L3MBTL4: variants seen among roughly 807,000 people sequenced by gnomAD.
L3MBTL4 encodes the protein L3MBTL histone methyl-lysine binding protein 4, also known as lethal(3)malignant brain tumor-like protein 4.
Under a neutral mutation model 84.5 loss-of-function variants are expected in L3MBTL4, and 70 were observed. The ratio of observed to expected loss-of-function variants is 0.83; its 90% CI spans 0.68 to 1.01. The LOEUF (loss-of-function observed/expected upper bound fraction) is 1.01. Ranked by LOEUF, L3MBTL4 falls within the 50% of genes least tolerant of loss-of-function variation. The probability of loss-of-function intolerance (pLI) is 0.00; values close to 1 mark genes in which losing one functional copy is unlikely to be tolerated. For missense variants in L3MBTL4, 715 were observed against 754.8 expected (o/e 0.95, Z 0.62); for synonymous variants, 274 against 259.8 (o/e 1.05, Z -0.52).
At chr18:6,050,482 C>G (rs529558415) in intron 16 of L3MBTL4, among the ~76,000 whole-genome samples, 8 of 152,222 alleles carry the variant, frequency 5.3e-5, no homozygotes, top group African/African-American at 1.9e-4. Flanking sequence ...AATTTAAGAG[C>G]AAAGTTCCAT....
chr18:6,141,884 G>A (rs566382767), intron 13 of L3MBTL4, among the ~76,000 whole-genome samples: 124 of 152,204 alleles, frequency 8.1e-4, no homozygotes, highest in African/African-American at 2.8e-3. Flanking sequence ...ATGAAAACTC[G>A]AATTTTTACC....
At chr18:6,295,480 C>T (rs1239037210) in intron 4 of L3MBTL4, among the ~76,000 whole-genome samples, 1 of 151,580 alleles carries the variant, frequency 6.6e-6, no homozygotes, top group Non-Finnish European at 1.5e-5. Flanking sequence ...TGTTCCTTCC[C>T]TTTATAAGCA....
At chr18:6,240,994 G>A (rs1053033412) in intron 8 of L3MBTL4, among the ~76,000 whole-genome samples, 1 of 152,050 alleles carries the variant, frequency 6.6e-6, no homozygotes, top group Non-Finnish European at 1.5e-5. Context: ...ATCTAGGCTG[G>A]GTACATTCAA....
At chr18:6,102,357 TC>T (rs1184904062) in intron 14 of L3MBTL4, among the ~76,000 whole-genome samples, 10 of 152,200 alleles carry the variant, frequency 6.6e-5, no homozygotes, top group Non-Finnish European at 1.5e-5. Context: ...CAGTCTCTCA[TC>T]TCACTCCCTT....
chr18:6,207,678 T>C (rs911530725), intron 12 of L3MBTL4, among the ~76,000 whole-genome samples: 1 of 152,146 alleles, frequency 6.6e-6, no homozygotes. Flanking sequence ...ATTGTCCCAG[T>C]CTCCTTCCCA....
intron 5 of L3MBTL4, among the ~76,000 whole-genome samples, chr18:6,261,840 T>C (rs1406764518): frequency 6.6e-6 from 1 of 152,182 alleles, no homozygotes; most frequent in African/African-American, 2.4e-5. Context: ...GGCTGAGATG[T>C]GGGGCAACAC....
chr18:6,310,865 T>C (rs1471354513), intron 3 of L3MBTL4, among the ~76,000 whole-genome samples: 1 of 152,190 alleles, frequency 6.6e-6, no homozygotes, highest in Non-Finnish European at 1.5e-5. Flanking sequence ...TAGATATGAT[T>C]AATATTCAAA....
chr18:6,289,143 G>T (rs1182480884), intron 4 of L3MBTL4, among the ~76,000 whole-genome samples: 3 of 152,004 alleles, frequency 2.0e-5, no homozygotes, highest in Non-Finnish European at 4.4e-5. Context: ...ACTGAGGATT[G>T]GGGAAAATGA....
In L3MBTL4 at chr18:6,013,598, C is replaced by T. The variant is rs78928935; in HGVS notation, c.1445-44036G>A. On this transcript the variant is annotated intron_variant, in intron 16 of 18. Coordinates refer to ENST00000317931, the MANE Select transcript of L3MBTL4 (RefSeq NM_001330559.2). ...CAGTGAACGCCTAAGTTCCTTAGCGCGTCCTCGGCCCTCTGTGACTGGTCC... is the reference window on the plus strand; with the variant it reads ...CAGTGAACGCCTAAGTTCCTTAGCGTGTCCTCGGCCCTCTGTGACTGGTCC... Among the ~76,000 whole-genome samples, 97 of 152,320 alleles carry T rather than the reference C, an allele frequency of 6.4e-4. 1 individual carries two copies. In the South Asian group the frequency reaches 0.013, roughly 21 times the overall value.
chr18:6,071,813 AAGG>A (rs1177507321), intron 16 of L3MBTL4, among the ~76,000 whole-genome samples: 3 of 123,848 alleles, frequency 2.4e-5, no homozygotes, highest in South Asian at 2.4e-4. Flanking sequence ...AAAAGAAAGA[AAGG>A]AAAGAAAGAA....
intron 12 of L3MBTL4, among the ~76,000 whole-genome samples, chr18:6,207,876 A>G (rs1019684337): frequency 6.6e-6 from 1 of 152,034 alleles, no homozygotes; most frequent in African/African-American, 2.4e-5. Context: ...GAGCCGAGGC[A>G]GGTGGATCAC....
chr18:6,380,636 T>C (rs2054560663), intron 1 of L3MBTL4, among the ~76,000 whole-genome samples: 1 of 152,134 alleles, frequency 6.6e-6, no homozygotes, highest in African/African-American at 2.4e-5. Flanking sequence ...TTTAAGTGAG[T>C]TTCTTAATCC....
rs190727724 is a variant in L3MBTL4, at chr18:6,348,614, C to T, written c.-90-36558G>A. Among the ~76,000 whole-genome samples, 401 of 152,054 alleles carry T rather than the reference C, an allele frequency of 2.6e-3. 2 individuals are homozygous for T. The highest frequency in any genetic ancestry group is 8.7e-3 in the African/African-American group (362 of 41,482). On this transcript the variant is annotated intron_variant, in intron 1 of 18. Coordinates refer to ENST00000317931, the MANE Select transcript of L3MBTL4 (RefSeq NM_001330559.2). ...CAGCAACAAAGCTTAGAGAAAAAAA[C>T]AAAACTGGCAAATATCTTCATGGCC...
intron 1 of L3MBTL4, among the ~76,000 whole-genome samples, chr18:6,371,995 G>C (rs1375669749): frequency 3.3e-5 from 5 of 152,220 alleles, no homozygotes; most frequent in African/African-American, 1.2e-4. Flanking sequence ...GGGAGAGACA[G>C]TGCTCCTGGG....
chr18:5,987,739 G>GA (rs1222899514), intron 16 of L3MBTL4, among the ~76,000 whole-genome samples: 14 of 150,748 alleles, frequency 9.3e-5, no homozygotes, highest in South Asian at 4.2e-4. Context: ...TACAACTTCT[G>GA]AAAAAAAAAT....
intron 16 of L3MBTL4, among the ~76,000 whole-genome samples, chr18:6,053,661 T>C (rs1053405470): frequency 5.9e-5 from 9 of 152,228 alleles, no homozygotes; most frequent in African/African-American, 2.2e-4. Context: ...TCCTTTCCCC[T>C]TTAAAAACCT....
chr18:5,978,073 C>T (rs899514779), intron 16 of L3MBTL4, among the ~76,000 whole-genome samples: 4 of 152,182 alleles, frequency 2.6e-5, no homozygotes, highest in South Asian at 2.1e-4. Flanking sequence ...GGGACTGTGG[C>T]GCCTTCAGAG....
intron 13 of L3MBTL4, 72 bp from the exon 14 acceptor site, chr18:6,138,368 T>C: frequency 2.2e-6 from 2 of 910,038 alleles, no homozygotes; most frequent in Admixed American, 4.4e-5. Context: ...AATATGTAAA[T>C]GATGCTAATT....
chr18:6,038,368 C>G (rs1262645296), intron 16 of L3MBTL4, among the ~76,000 whole-genome samples: 1 of 151,274 alleles, frequency 6.6e-6, no homozygotes, highest in Non-Finnish European at 1.5e-5. Flanking sequence ...ATTCTCCTGC[C>G]TCAGCCTCCG....
Sources: allele counts gnomAD v4.1 joint callset (sites outside exome capture counted in the v4.1 genomes callset), GRCh38; gene constraint gnomAD v4.1.1; transcripts MANE v1.5; gene names NCBI Gene and HGNC (gene_info 2026-07-23, HGNC 2026-07-21).